The following WDR45 variants were observed in gnomAD, a reference collection of about 807,000 sequenced individuals.
WDR45 encodes the protein WD repeat domain phosphoinositide-interacting protein 4.
WDR45 carries 2 observed loss-of-function variants against 27.3 expected under a neutral mutation model. That is an observed-to-expected ratio of 0.07 (90% CI 0.03 to 0.23). The LOEUF (loss-of-function observed/expected upper bound fraction) is 0.23, where lower values mean the gene tolerates loss of function less well. WDR45 is among the 10% of genes least tolerant of loss of function. WDR45 has a pLI of 1.00. For missense variants in WDR45, 175 were observed against 311.9 expected (o/e 0.56, Z 3.31); for synonymous variants, 99 against 119.2 (o/e 0.83, Z 1.11).
intron 2 of WDR45, chrX:49,100,182 T>C (rs1053874281): frequency 2.7e-5 from 3 of 111,423 alleles, no homozygotes; most frequent in Non-Finnish European, 5.6e-5. Context: ...ATGCTTGCAA[T>C]ATATACTTCC....
intron 6 of WDR45, 156 bp from the exon 7 acceptor site, chrX:49,076,101 T>C (rs1206639030): frequency 1.2e-5 from 6 of 493,032 alleles, no homozygotes; most frequent in Non-Finnish European, 2.1e-5. Flanking sequence ...CCCCGCCAGC[T>C]AGGCAGATTC....
At chrX:49,078,703 G>A (rs1313035005) in intron 1 of WDR45, among the ~76,000 whole-genome samples, 1 of 112,207 alleles carries the variant, frequency 8.9e-6, no homozygotes, top group Non-Finnish European at 1.9e-5. Flanking sequence ...AGGAAGTAAT[G>A]TGATAGGGGG....
chrX:49,096,404 T>G (rs782416716), intron 2 of WDR45, among the ~76,000 whole-genome samples: 1 of 111,283 alleles, frequency 9.0e-6, no homozygotes, highest in Non-Finnish European at 1.9e-5. Flanking sequence ...CTAAATTTGT[T>G]TATTTTTGTA....
In WDR45 at chrX:49,074,739, C is replaced by G. The variant is rs2065026247; in HGVS notation, c.*64G>C. On this transcript the variant is annotated 3_prime_UTR_variant, in exon 11 of 11. Coordinates refer to ENST00000376372, the MANE Select transcript of WDR45 (RefSeq NM_001029896.2). Reference sequence around the variant, plus strand: ...CTGGCTGGTGGCTTCCAAGCACGCCCCACTGCCAAGGCTCAGCTCTGCAGT... The same window carrying G: ...CTGGCTGGTGGCTTCCAAGCACGCCGCACTGCCAAGGCTCAGCTCTGCAGT... 2.0e-6 allele frequency: 2 copies of G among 996,435 alleles called. No homozygotes were observed. The highest frequency in any genetic ancestry group is 4.5e-5 in the Admixed American group (2 of 43,978). 82.1% of individuals were successfully genotyped at this position (996,435 alleles called of 1,213,427 possible). A position where few individuals can be genotyped will look rare whatever the true frequency, so the allele number is the denominator to read the frequency against.
Position 49,075,932 on chromosome X carries a change from G to A in WDR45, c.450C>T (p.Leu150=). 5.0e-6 allele frequency: 6 copies of A among 1,209,844 alleles called. No individual in the cohort carries two copies. Among genetic ancestry groups the A allele is most frequent in the Non-Finnish European group, 6.7e-6 (6 of 894,481 alleles). The stretch of plus-strand genomic sequence containing the variant: ...GCAGTTGCTTCTCCAGGCTGGGGCA[G>A]AGGTCACAGAGCCCTAGGGTGTGAA... The part of the protein sequence containing the change: ...TRDNPKGLCD[L]CPSLEKQLLV... Residue 150 remains leucine, a synonymous_variant, in exon 7 of 11, where the codon CTC becomes CTT. Transcript: ENST00000376372.
At position 49,079,875 on chromosome X, in the gene WDR45, G is replaced by A. The variant is rs1213791516; in HGVS notation, c.-142C>T. Reference sequence around the variant, plus strand: ...TCTGACCTCCCGGGCCTTGGAGCCCGGCTCGGGTGTTTACATCAGGCCCTA... The same window carrying A: ...TCTGACCTCCCGGGCCTTGGAGCCCAGCTCGGGTGTTTACATCAGGCCCTA... On this transcript the variant is annotated 5_prime_UTR_variant, in exon 1 of 11. Transcript: ENST00000376372. The A allele has an allele frequency of 8.8e-6, 1 of 113,301 alleles. No homozygotes were observed. 9.3% of individuals were successfully genotyped at this position (113,301 alleles called of 1,213,427 possible).
chrX:49,082,870 C>T (rs1193468027), upstream of WDR45, among the ~76,000 whole-genome samples: 6 of 107,709 alleles, frequency 5.6e-5, 1 homozygote, highest in African/African-American at 1.4e-4. Flanking sequence ...TGCACCACCA[C>T]GCCCAGCTAA....
chrX:49,089,786 CAA>C (rs782204856), intron 2 of WDR45, among the ~76,000 whole-genome samples: 1 of 72,955 alleles, frequency 1.4e-5, no homozygotes, highest in Admixed American at 1.8e-4. Flanking sequence ...AACCTTATCT[CAA>C]AAAAAAAAAA....
upstream of WDR45, among the ~76,000 whole-genome samples, chrX:49,084,270 G>A (rs910506469): frequency 5.9e-4 from 63 of 106,444 alleles, no homozygotes; most frequent in Non-Finnish European, 9.7e-4. Context: ...GGCTGGTCTC[G>A]AACTCCTGAC....
chrX:49,098,936 A>T (rs1387190431), intron 2 of WDR45, among the ~76,000 whole-genome samples: 1 of 112,451 alleles, frequency 8.9e-6, no homozygotes, highest in Non-Finnish European at 1.9e-5. Context: ...GCGAAACTGA[A>T]GTATATACAA....
At chrX:49,093,516 C>T (rs902382652) in intron 2 of WDR45, among the ~76,000 whole-genome samples, 1 of 106,284 alleles carries the variant, frequency 9.4e-6, no homozygotes, top group Admixed American at 1.0e-4. Context: ...CGTGAGCCAC[C>T]ACAATCAGCC....
At chrX:49,089,140 T>C (rs1223419237) in intron 2 of WDR45, among the ~76,000 whole-genome samples, 1 of 110,269 alleles carries the variant, frequency 9.1e-6, no homozygotes, top group Non-Finnish European at 1.9e-5. Context: ...ATACAAAAAT[T>C]AGCTGGGCGT....
chrX:49,090,188 C>T (rs1028295653), intron 2 of WDR45, among the ~76,000 whole-genome samples: 2 of 111,038 alleles, frequency 1.8e-5, no homozygotes, highest in South Asian at 3.8e-4. Flanking sequence ...CTCAGCCTTC[C>T]GAGTAACTGG....
chrX:49,096,318 C>T (rs2065125545), intron 2 of WDR45, among the ~76,000 whole-genome samples: 1 of 110,603 alleles, frequency 9.0e-6, no homozygotes, highest in African/African-American at 3.3e-5. Context: ...GCAGTCTCAA[C>T]CTCCTGAGCT....
intron 2 of WDR45, among the ~76,000 whole-genome samples, chrX:49,089,351 G>A (rs1362871532): frequency 1.8e-5 from 2 of 110,234 alleles, no homozygotes; most frequent in African/African-American, 3.3e-5. Context: ...GAAAAAAACC[G>A]GTAAATAAAA....
intron 2 of WDR45, among the ~76,000 whole-genome samples, chrX:49,089,077 C>G (rs940466197): frequency 1.8e-5 from 2 of 111,950 alleles, no homozygotes; most frequent in African/African-American, 6.5e-5. Context: ...CACCTGAGGT[C>G]AGGAGTTCGA....
At chrX:49,090,736 C>A (rs1557086494) in intron 2 of WDR45, among the ~76,000 whole-genome samples, 1 of 108,679 alleles carries the variant, frequency 9.2e-6, no homozygotes, top group African/African-American at 3.4e-5. Context: ...CAGAGTTTCA[C>A]CACATTGGCT....
At chrX:49,099,105 C>T (rs1412907132) in intron 2 of WDR45, among the ~76,000 whole-genome samples, 1 of 111,692 alleles carries the variant, frequency 9.0e-6, no homozygotes, top group Non-Finnish European at 1.9e-5. Context: ...GGGTGGATTA[C>T]CTGAGGTCAG....
At chrX:49,078,147 T>G in intron 1 of WDR45, 35 bp from the exon 2 acceptor site, 1 of 1,150,952 alleles carries the variant, frequency 8.7e-7, no homozygotes. Context: ...AGAAGAGTCC[T>G]GGAATCTCCC....
Sources: gnomAD v4.1 joint callset for allele counts (sites outside exome capture counted in the v4.1 genomes callset) on GRCh38, gnomAD v4.1.1 for gene constraint, MANE v1.5 for transcripts, NCBI Gene and HGNC (gene_info 2026-07-23, HGNC 2026-07-21) for gene names.